PKNOX2: variants seen among roughly 807,000 people sequenced by gnomAD.
PKNOX2 encodes the protein homeobox protein PKNOX2.
Under a neutral mutation model 53.1 loss-of-function variants are expected in PKNOX2, and 14 were observed. The ratio of observed to expected loss-of-function variants is 0.26; its 90% confidence interval spans 0.17 to 0.41. PKNOX2 has a LOEUF of 0.41. PKNOX2 is among the 10% of genes least tolerant of loss of function. The pLI is 1.00. For missense variants in PKNOX2, 496 were observed against 602.8 expected (o/e 0.82, Z 1.85); for synonymous variants, 257 against 242.8 (o/e 1.06, Z -0.54).
chr11:125,400,110 G>A (rs116974122), intron 7 of PKNOX2, among the ~76,000 whole-genome samples: 117 of 152,266 alleles, frequency 7.7e-4, no homozygotes, highest in African/African-American at 2.7e-3. Context: ...GGGTACCCAC[G>A]GCAGAAAGGC....
intron 2 of PKNOX2, among the ~76,000 whole-genome samples, chr11:125,289,336 A>C (rs1402253550): frequency 3.9e-5 from 6 of 152,252 alleles, no homozygotes; most frequent in Non-Finnish European, 8.8e-5. Flanking sequence ...TGATCCAGGC[A>C]GACAATGCAA....
intron 2 of PKNOX2, among the ~76,000 whole-genome samples, chr11:125,255,583 T>G (rs542858875): frequency 6.6e-6 from 1 of 152,278 alleles, no homozygotes; most frequent in African/African-American, 2.4e-5. Context: ...GGAATTTCTG[T>G]GTTAGTGGGG....
chr11:125,228,412 T>G (rs951328044), intron 1 of PKNOX2, among the ~76,000 whole-genome samples: 11 of 152,224 alleles, frequency 7.2e-5, no homozygotes, highest in African/African-American at 2.4e-4. Context: ...GCAAGCCCAG[T>G]GTCTGGCACA....
At chr11:125,366,878 C>T (rs1249298113) in intron 4 of PKNOX2, among the ~76,000 whole-genome samples, 2 of 152,138 alleles carry the variant, frequency 1.3e-5, no homozygotes, top group African/African-American at 4.8e-5. Context: ...AGCATCAAAC[C>T]TTTTTACTAA....
At chr11:125,298,604 C>T (rs1355891051) in intron 2 of PKNOX2, among the ~76,000 whole-genome samples, 2 of 152,212 alleles carry the variant, frequency 1.3e-5, no homozygotes, top group Non-Finnish European at 2.9e-5. Flanking sequence ...GGCCTCCAGG[C>T]CCCCAGTTCT....
chr11:125,273,895 C>G (rs1945984567), intron 2 of PKNOX2, among the ~76,000 whole-genome samples: 1 of 152,198 alleles, frequency 6.6e-6, no homozygotes, highest in South Asian at 2.1e-4. Flanking sequence ...GGAAGCTTAT[C>G]TTCCGAGACA....
intron 2 of PKNOX2, among the ~76,000 whole-genome samples, chr11:125,259,545 C>T (rs1483877286): frequency 6.6e-6 from 1 of 152,196 alleles, no homozygotes; most frequent in African/African-American, 2.4e-5. Flanking sequence ...CAGTCCCAGG[C>T]TTCCACACCA....
chr11:125,246,822 G>A (rs988423962), intron 2 of PKNOX2, among the ~76,000 whole-genome samples: 1 of 152,054 alleles, frequency 6.6e-6, no homozygotes, highest in Admixed American at 6.5e-5. Context: ...TTGATCCTGG[G>A]CATTAGGGAG....
In PKNOX2 at chr11:125,431,771, G is replaced by A. The variant is rs1010647094; in HGVS notation, c.*379G>A. 1.9e-5 allele frequency: 4 copies of A among 206,100 alleles called. No individual in the cohort carries two copies. The highest frequency in any genetic ancestry group is 3.9e-5 in the Non-Finnish European group (4 of 101,716). 12.8% of individuals were successfully genotyped at this position (206,100 alleles called of 1,614,324 possible). A position where few individuals can be genotyped will look rare whatever the true frequency, so the allele number is the denominator to read the frequency against. On this transcript the variant is annotated 3_prime_UTR_variant, in exon 13 of 13. Transcript: ENST00000298282. ...GCACTGAGGCAGATTGGTGCTGTTC[G>A]CAGAGTAGGCCTTTGCCCGGGGGCA...
chr11:125,172,886 T>A (rs1378693378), intron 1 of PKNOX2, among the ~76,000 whole-genome samples: 1 of 152,112 alleles, frequency 6.6e-6, no homozygotes, highest in Non-Finnish European at 1.5e-5. Flanking sequence ...CTGGGACAAA[T>A]GGATGTTCCT....
chr11:125,329,666 C>T (rs1183953559), intron 2 of PKNOX2, among the ~76,000 whole-genome samples: 1 of 152,188 alleles, frequency 6.6e-6, no homozygotes, highest in South Asian at 2.1e-4. Context: ...GTGGAGGTAG[C>T]AGCCAGAATG....
At chr11:125,299,252 G>A (rs1322166668) in intron 2 of PKNOX2, among the ~76,000 whole-genome samples, 4 of 152,096 alleles carry the variant, frequency 2.6e-5, no homozygotes, top group African/African-American at 4.8e-5. Flanking sequence ...CCACCTCCAC[G>A]ATCTGAACAC....
At chr11:125,212,925 T>C (rs1384418015) in intron 1 of PKNOX2, among the ~76,000 whole-genome samples, 1 of 152,076 alleles carries the variant, frequency 6.6e-6, no homozygotes, top group Non-Finnish European at 1.5e-5. Flanking sequence ...ACGGGTTCCA[T>C]GTCTACCCCA....
At chr11:125,243,035 T>G (rs927720975) in intron 2 of PKNOX2, among the ~76,000 whole-genome samples, 11 of 152,202 alleles carry the variant, frequency 7.2e-5, no homozygotes, top group Admixed American at 4.6e-4. Flanking sequence ...TATTTCCTAT[T>G]TTTTCTTGAA....
At chr11:125,410,121 C>A (rs138215426) in intron 7 of PKNOX2, 75 bp from the exon 8 acceptor site, 3 of 1,545,570 alleles carry the variant, frequency 1.9e-6, no homozygotes, top group African/African-American at 2.7e-5. Flanking sequence ...GGGGAAAGGA[C>A]GGAAGAGGAC....
chr11:125,347,345 G>T (rs570244369), intron 3 of PKNOX2, among the ~76,000 whole-genome samples: 2 of 152,174 alleles, frequency 1.3e-5, no homozygotes, highest in Non-Finnish European at 2.9e-5. Context: ...CCCCAACCCC[G>T]GCACACTGGC....
intron 10 of PKNOX2, among the ~76,000 whole-genome samples, chr11:125,417,531 G>A (rs543165144): frequency 1.3e-5 from 2 of 152,108 alleles, no homozygotes; most frequent in East Asian, 1.9e-4. Flanking sequence ...ACTGACACTC[G>A]AAGAAGGCAA....
At chr11:125,411,510 C>CCG (rs1955541443) in intron 9 of PKNOX2, 1 of 467,956 alleles carries the variant, frequency 2.1e-6, no homozygotes, top group East Asian at 4.1e-5. Flanking sequence ...CTCTCTCTCT[C>CCG]CCCCCCTTCC....
intron 2 of PKNOX2, among the ~76,000 whole-genome samples, chr11:125,245,261 G>A (rs1371005569): frequency 2.6e-5 from 4 of 152,176 alleles, no homozygotes; most frequent in Non-Finnish European, 1.5e-5. Context: ...TACCAGTCTA[G>A]GAGGCATCAG....
Sources: gnomAD v4.1 joint callset for allele counts (sites outside exome capture counted in the v4.1 genomes callset) on GRCh38, gnomAD v4.1.1 for gene constraint, MANE v1.5 for transcripts, NCBI Gene and HGNC (gene_info 2026-07-23, HGNC 2026-07-21) for gene names.